The following TENM4 variants were observed in gnomAD, a reference collection of about 807,000 sequenced individuals.
TENM4 encodes teneurin-4.
A neutral mutation model predicts 243.3 loss-of-function variants in TENM4; 82 were observed. That is an observed-to-expected ratio of 0.34 (90% confidence interval 0.28 to 0.40). The LOEUF (loss-of-function observed/expected upper bound fraction) is 0.40. Ranked by LOEUF, TENM4 falls within the 10% of genes least tolerant of loss-of-function variation. The pLI, the probability that TENM4 is intolerant of heterozygous loss-of-function variation, is 1.00. For synonymous variants in TENM4, 1,412 were observed against 1,456.3 expected (o/e 0.97, Z 0.69); for missense variants, 3,138 against 3,673.3 (o/e 0.85, Z 3.77).
Position 79,283,449 on chromosome 11 carries a change from A to G in TENM4, c.-265+14039T>C, listed in dbSNP as rs1230162444. Among the ~76,000 whole-genome samples, 8 of 152,348 alleles carry G rather than the reference A, an allele frequency of 5.3e-5. No homozygotes were observed. In the East Asian group the frequency reaches 1.5e-3, roughly 29 times the overall value. On this transcript the variant is annotated intron_variant, in intron 2 of 33. Coordinates refer to ENST00000278550, the MANE Select transcript of TENM4 (RefSeq NM_001098816.3). ...CAATGTAATAGACCACATTAAGACC[A>G]TAAAAGACAAAAACCACACGATTAT...
At chr11:79,088,228 G>C (rs1591272937) in intron 4 of TENM4, among the ~76,000 whole-genome samples, 1 of 152,176 alleles carries the variant, frequency 6.6e-6, no homozygotes, top group East Asian at 1.9e-4. Flanking sequence ...AAACCCAGAG[G>C]GTGATGGTAT....
intron 2 of TENM4, among the ~76,000 whole-genome samples, chr11:79,287,776 A>C (rs139071748): frequency 6.6e-6 from 1 of 152,206 alleles, no homozygotes; most frequent in Non-Finnish European, 1.5e-5. Flanking sequence ...AGGATTCTAG[A>C]TTCTTCCCTA....
chr11:78,973,385 A>C (rs775833680), intron 6 of TENM4, among the ~76,000 whole-genome samples: 6 of 152,230 alleles, frequency 3.9e-5, no homozygotes, highest in Admixed American at 2.0e-4. Flanking sequence ...GGTATGAAGC[A>C]GTATCTCACT....
intron 6 of TENM4, among the ~76,000 whole-genome samples, chr11:78,978,982 A>T (rs1479283145): frequency 6.6e-6 from 1 of 152,174 alleles, no homozygotes; most frequent in African/African-American, 2.4e-5. Flanking sequence ...CATGGGCTGC[A>T]TGTGCCTTGG....
At chr11:79,363,256 G>A (rs148838624) in intron 1 of TENM4, among the ~76,000 whole-genome samples, 1 of 152,310 alleles carries the variant, frequency 6.6e-6, no homozygotes, top group Non-Finnish European at 1.5e-5. Flanking sequence ...GCCCCTTTTA[G>A]GGCAATTGCT....
chr11:79,151,092 T>A (rs953906127), intron 3 of TENM4, among the ~76,000 whole-genome samples: 1 of 152,144 alleles, frequency 6.6e-6, no homozygotes, highest in Non-Finnish European at 1.5e-5. Flanking sequence ...TGCCTTCCTA[T>A]ACCATGGCTT....
At chr11:79,118,836 T>C (rs1261526983) in intron 4 of TENM4, among the ~76,000 whole-genome samples, 1 of 152,214 alleles carries the variant, frequency 6.6e-6, no homozygotes, top group Non-Finnish European at 1.5e-5. Context: ...TGCACCTTTT[T>C]TGGCTATTGC....
At chr11:79,233,382 G>A (rs1864405089) in intron 2 of TENM4, among the ~76,000 whole-genome samples, 1 of 152,198 alleles carries the variant, frequency 6.6e-6, no homozygotes, top group Admixed American at 6.5e-5. Context: ...GAAGATGGGG[G>A]CAGAAAGGGA....
At chr11:79,166,109 C>T (rs1010453799) in intron 3 of TENM4, among the ~76,000 whole-genome samples, 2 of 152,180 alleles carry the variant, frequency 1.3e-5, no homozygotes, top group Admixed American at 6.5e-5. Context: ...CTGCATGTCT[C>T]AGCCACTAAT....
intron 3 of TENM4, among the ~76,000 whole-genome samples, chr11:79,198,984 T>C (rs754697193): frequency 3.9e-5 from 6 of 152,082 alleles, no homozygotes; most frequent in Non-Finnish European, 8.8e-5. Context: ...GAAGAAGGGA[T>C]GGAGTCTGGA....
intron 29 of TENM4, among the ~76,000 whole-genome samples, chr11:78,683,648 C>T (rs1390897464): frequency 2.1e-5 from 3 of 142,506 alleles, no homozygotes; most frequent in Admixed American, 7.0e-5. Flanking sequence ...GCGCACGGTG[C>T]GCGCACACAC....
At chr11:79,418,270 C>G (rs1427569920) in intron 1 of TENM4, among the ~76,000 whole-genome samples, 1 of 152,126 alleles carries the variant, frequency 6.6e-6, no homozygotes, top group Non-Finnish European at 1.5e-5. Context: ...TTACAGAAAC[C>G]TCTACTGAAA....
intron 3 of TENM4, among the ~76,000 whole-genome samples, chr11:79,207,545 A>G (rs1375027640): frequency 2.0e-5 from 3 of 152,106 alleles, no homozygotes; most frequent in Non-Finnish European, 2.9e-5. Flanking sequence ...GCTCCCTGCC[A>G]TCTGTGATAA....
At position 79,167,877 on chromosome 11, in the gene TENM4, C is replaced by T. The variant is rs143987421; in HGVS notation, c.-162-19071G>A. Among the ~76,000 whole-genome samples the T allele has an allele frequency of 3.3e-3, 510 of 152,318 alleles. 4 individuals carry two copies. The highest frequency in any genetic ancestry group is 0.012 in the African/African-American group (487 of 41,574). ...GTGGCTGGGGCACCTACCCTGGATG[C>T]ATGTAGAGATTTAAAAAAATGAGTC... On this transcript the variant is annotated intron_variant, in intron 3 of 33. Transcript: ENST00000278550.
At chr11:79,432,183 A>G (rs1859183167) in intron 1 of TENM4, among the ~76,000 whole-genome samples, 1 of 152,216 alleles carries the variant, frequency 6.6e-6, no homozygotes, top group East Asian at 1.9e-4. Context: ...AAAAACTTAC[A>G]TGGTCTTCTA....
At chr11:79,313,420 A>G (rs1856753406) in intron 1 of TENM4, among the ~76,000 whole-genome samples, 1 of 152,188 alleles carries the variant, frequency 6.6e-6, no homozygotes, top group Non-Finnish European at 1.5e-5. Context: ...CCAAAAGGAT[A>G]AGCCTTTGCT....
intron 25 of TENM4, among the ~76,000 whole-genome samples, chr11:78,719,919 C>G (rs992593014): frequency 6.6e-6 from 1 of 152,146 alleles, no homozygotes; most frequent in African/African-American, 2.4e-5. Context: ...TGCCTGGCAT[C>G]CCCAAGCTGA....
chr11:79,420,168 C>G (rs1858900485), intron 1 of TENM4, among the ~76,000 whole-genome samples: 2 of 152,184 alleles, frequency 1.3e-5, no homozygotes, highest in African/African-American at 4.8e-5. Flanking sequence ...TTTTCTCCCT[C>G]CTGATCATTT....
intron 32 of TENM4, among the ~76,000 whole-genome samples, chr11:78,665,357 C>T (rs570953706): frequency 1.1e-4 from 17 of 151,978 alleles, no homozygotes; most frequent in Admixed American, 6.5e-4. Flanking sequence ...CTGCAACCTC[C>T]GCATCCCAGG....
Sources: allele counts gnomAD v4.1 joint callset (sites outside exome capture counted in the v4.1 genomes callset), GRCh38; gene constraint gnomAD v4.1.1; transcripts MANE v1.5; gene names NCBI Gene and HGNC (gene_info 2026-07-23, HGNC 2026-07-21).